The following KTN1 variants were observed in gnomAD, a reference collection of about 807,000 sequenced individuals.
KTN1 encodes kinectin 1.
A neutral mutation model predicts 222.5 loss-of-function variants in KTN1; 130 were observed. The observed-to-expected ratio is 0.58, with a 90% CI of 0.51 to 0.68. The LOEUF is 0.68. Among genes scored for constraint, KTN1 ranks in the 30% least tolerant of loss-of-function variants. KTN1 has a pLI of 0.00. For missense variants in KTN1, 1,508 were observed against 1,500.4 expected (o/e 1.01, Z -0.08); for synonymous variants, 512 against 496.3 (o/e 1.03, Z -0.42).
At chr14:55,643,832 A>G (rs1205715081) in intron 18 of KTN1, among the ~76,000 whole-genome samples, 1 of 152,168 alleles carries the variant, frequency 6.6e-6, no homozygotes, top group Non-Finnish European at 1.5e-5. Context: ...CTATCTTATT[A>G]AGTCAGCCTT....
chr14:55,635,951 A>G (rs1338901953), intron 9 of KTN1, among the ~76,000 whole-genome samples: 3 of 152,192 alleles, frequency 2.0e-5, no homozygotes, highest in Non-Finnish European at 4.4e-5. Context: ...TACTACTGGC[A>G]TAGATACGGA....
At chr14:55,584,568 C>G (rs958480812) in intron 1 of KTN1, among the ~76,000 whole-genome samples, 4 of 152,192 alleles carry the variant, frequency 2.6e-5, no homozygotes, top group Non-Finnish European at 4.4e-5. Flanking sequence ...ATGTCAGTTT[C>G]TTAAAAAGAT....
At chr14:55,666,674 T>TC (rs967592756) in intron 33 of KTN1, among the ~76,000 whole-genome samples, 1 of 151,974 alleles carries the variant, frequency 6.6e-6, no homozygotes, top group African/African-American at 2.4e-5. Context: ...CATCAGTTGC[T>TC]CCTTGTTCTT....
At chr14:55,607,979 A>G (rs1361685333) in intron 1 of KTN1, among the ~76,000 whole-genome samples, 1 of 152,238 alleles carries the variant, frequency 6.6e-6, no homozygotes, top group Non-Finnish European at 1.5e-5. Context: ...TATTTCTTCC[A>G]TGTGTGAAAG....
chr14:55,595,784 C>T (rs1314751532), intron 1 of KTN1, among the ~76,000 whole-genome samples: 1 of 152,132 alleles, frequency 6.6e-6, no homozygotes, highest in Non-Finnish European at 1.5e-5. Flanking sequence ...ATCAGACATT[C>T]CATAATGTGT....
chr14:55,608,544 T>C (rs923591387), intron 1 of KTN1, among the ~76,000 whole-genome samples: 7 of 152,190 alleles, frequency 4.6e-5, no homozygotes, highest in Non-Finnish European at 1.0e-4. Flanking sequence ...ATACCTATAC[T>C]TTGAGTTGAT....
intron 9 of KTN1, among the ~76,000 whole-genome samples, chr14:55,636,161 G>A (rs2140957890): frequency 6.6e-6 from 1 of 152,306 alleles, no homozygotes; most frequent in South Asian, 2.1e-4. Context: ...TGGATCAGAT[G>A]TATATAGTAG....
chr14:55,582,011 T>G (rs987797042), intron 1 of KTN1, among the ~76,000 whole-genome samples: 2 of 152,154 alleles, frequency 1.3e-5, no homozygotes, highest in Non-Finnish European at 2.9e-5. Context: ...CTTCTAATTT[T>G]GTAGCCTTCA....
intron 12 of KTN1, 137 bp downstream of exon 12, chr14:55,637,984 G>A (rs2041334381): frequency 1.6e-6 from 1 of 613,684 alleles, no homozygotes; most frequent in East Asian, 2.7e-5. Flanking sequence ...GATCCTGAGT[G>A]CTAAACACTT....
At chr14:55,670,834 G>A (rs771340705) in intron 35 of KTN1, 25 bp downstream of exon 35, 58 of 1,460,406 alleles carry the variant, frequency 4.0e-5, no homozygotes, top group Non-Finnish European at 5.1e-5. Context: ...TGAACTGTTT[G>A]TAATTTAAAC....
chr14:55,670,726 C>T lies in KTN1; in HGVS notation c.3268-3C>T, dbSNP rs761023058. 1.3e-6 allele frequency: 2 copies of T among 1,568,624 alleles called. No homozygotes were observed. Among genetic ancestry groups the T allele is most frequent in the Admixed American group, 3.5e-5 (2 of 56,354 alleles). On this transcript the variant is annotated splice_polypyrimidine_tract_variant and splice_region_variant and intron_variant, in intron 34 of 43. Coordinates refer to ENST00000395314, the MANE Select transcript of KTN1 (RefSeq NM_001079521.2). ...TAATGATTTTAACTTTTCTCGTCCA[C>T]AGAGTTATGGTGAATGGTTGCATGG...
intron 1 of KTN1, among the ~76,000 whole-genome samples, chr14:55,584,124 A>G (rs1014667472): frequency 2.0e-5 from 3 of 152,220 alleles, no homozygotes; most frequent in Admixed American, 1.3e-4. Flanking sequence ...AGAATGCTAC[A>G]GTGACTTTCT....
intron 7 of KTN1, among the ~76,000 whole-genome samples, chr14:55,631,341 G>GAT (rs56190231): frequency 0.13 from 14,320 of 114,318 alleles, 991 homozygotes; most frequent in African/African-American, 0.17. Context: ...TGATAAGGTT[G>GAT]ATATATATAT....
At chr14:55,620,177 T>C (rs1336328673) in intron 5 of KTN1, among the ~76,000 whole-genome samples, 1 of 152,226 alleles carries the variant, frequency 6.6e-6, no homozygotes, top group Admixed American at 6.5e-5. Context: ...ATCCACGTCA[T>C]GCTGTTTCAA....
chr14:55,678,950 G>A (rs376490477), intron 42 of KTN1: 2 of 155,660 alleles, frequency 1.3e-5, no homozygotes, highest in African/African-American at 4.8e-5. Flanking sequence ...GTGCCAAAAC[G>A]GTTGGGTATT....
At chr14:55,600,172 A>T (rs1422088661) in intron 1 of KTN1, among the ~76,000 whole-genome samples, 1 of 150,868 alleles carries the variant, frequency 6.6e-6, no homozygotes, top group Non-Finnish European at 1.5e-5. Flanking sequence ...AAAACATCTG[A>T]TCATTTTAGT....
At chr14:55,629,367 G>A (rs2040238901) in intron 6 of KTN1, among the ~76,000 whole-genome samples, 1 of 142,354 alleles carries the variant, frequency 7.0e-6, no homozygotes, top group Non-Finnish European at 1.5e-5. Context: ...GTAGTGAGCC[G>A]AGATCACGCC....
intron 31 of KTN1, among the ~76,000 whole-genome samples, chr14:55,660,525 T>A (rs1177800690): frequency 6.6e-6 from 1 of 152,120 alleles, no homozygotes; most frequent in Non-Finnish European, 1.5e-5. Context: ...TTAAGTATAT[T>A]AATAGATGAT....
chr14:55,611,874 T>G (rs1201816989), intron 1 of KTN1, 145 bp from the exon 2 acceptor site: 3 of 372,922 alleles, frequency 8.0e-6, no homozygotes, highest in Non-Finnish European at 1.4e-5. Flanking sequence ...AAATCAAGAA[T>G]GTGATTTAAA....
Sources: allele counts gnomAD v4.1 joint callset (sites outside exome capture counted in the v4.1 genomes callset), GRCh38; gene constraint gnomAD v4.1.1; transcripts MANE v1.5; gene names NCBI Gene and HGNC (gene_info 2026-07-23, HGNC 2026-07-21).